ZNF407: variants seen among roughly 807,000 people sequenced by gnomAD.
ZNF407 encodes the protein zinc finger protein 407.
Under a neutral mutation model 131.2 loss-of-function variants are expected in ZNF407, and 17 were observed. The ratio of observed to expected loss-of-function variants is 0.13; its 90% CI spans 0.09 to 0.19. ZNF407 has a LOEUF of 0.19. ZNF407 is among the 10% of genes least tolerant of loss of function. ZNF407 has a pLI of 1.00. For synonymous variants in ZNF407, 1,156 were observed against 1,062.0 expected, an observed-to-expected ratio of 1.09 and a Z score of -1.72; for missense variants, 2,681 against 2,830.6, an observed-to-expected ratio of 0.95 and a Z score of 1.20.
chr18:74,654,972 T>A (rs1384122136), intron 3 of ZNF407, among the ~76,000 whole-genome samples: 1 of 151,970 alleles, frequency 6.6e-6, no homozygotes, highest in African/African-American at 2.4e-5. Context: ...ATGTTATTTT[T>A]TAAAGAACGT....
intron 4 of ZNF407, among the ~76,000 whole-genome samples, chr18:74,806,282 C>A (rs1053424687): frequency 6.6e-6 from 1 of 152,192 alleles, no homozygotes; most frequent in African/African-American, 2.4e-5. Context: ...TTTATCTTAT[C>A]TCAGAAAGTC....
intron 8 of ZNF407, among the ~76,000 whole-genome samples, chr18:75,018,484 G>A (rs1973070785): frequency 6.6e-6 from 1 of 151,678 alleles, no homozygotes; most frequent in Non-Finnish European, 1.5e-5. Context: ...AAAAAGAAGG[G>A]AGTAAAAGTA....
chr18:74,791,170 A>G (rs1969818929), intron 4 of ZNF407, among the ~76,000 whole-genome samples: 1 of 152,146 alleles, frequency 6.6e-6, no homozygotes, highest in Non-Finnish European at 1.5e-5. Context: ...TCTGACTGTC[A>G]TTTCCGTTAG....
chr18:74,757,845 T>G (rs1968999432), intron 3 of ZNF407, among the ~76,000 whole-genome samples: 1 of 152,184 alleles, frequency 6.6e-6, no homozygotes. Context: ...TGTTCATTCT[T>G]TATAGAGTAC....
intron 3 of ZNF407, among the ~76,000 whole-genome samples, chr18:74,719,422 C>T (rs777329397): frequency 6.6e-5 from 10 of 152,062 alleles, no homozygotes; most frequent in East Asian, 3.9e-4. Context: ...TATTTAGAGA[C>T]GGAGTCTTGC....
At chr18:74,640,424 A>C (rs1266177416) in intron 2 of ZNF407, among the ~76,000 whole-genome samples, 1 of 152,174 alleles carries the variant, frequency 6.6e-6, no homozygotes, top group African/African-American at 2.4e-5. Context: ...TGACCATAAA[A>C]GCATAAAAAT....
At chr18:74,834,348 G>A (rs1970526610) in intron 4 of ZNF407, among the ~76,000 whole-genome samples, 1 of 152,148 alleles carries the variant, frequency 6.6e-6, no homozygotes, top group African/African-American at 2.4e-5. Context: ...GCTACTTTAT[G>A]TCTAGAAAAA....
At chr18:75,056,833 C>A (rs1973567600) in intron 8 of ZNF407, among the ~76,000 whole-genome samples, 1 of 152,158 alleles carries the variant, frequency 6.6e-6, no homozygotes, top group African/African-American at 2.4e-5. Flanking sequence ...TTTAATTTGT[C>A]ATTTTTCCTG....
chr18:75,052,351 G>A (rs1973511281), intron 8 of ZNF407, among the ~76,000 whole-genome samples: 1 of 152,072 alleles, frequency 6.6e-6, no homozygotes, highest in Non-Finnish European at 1.5e-5. Flanking sequence ...TGCCCCTTCA[G>A]AATATTACGA....
intron 8 of ZNF407, among the ~76,000 whole-genome samples, chr18:74,993,213 A>G (rs1972739316): frequency 6.6e-6 from 1 of 152,252 alleles, no homozygotes; most frequent in Admixed American, 6.5e-5. Context: ...ATAGTTCTAT[A>G]TGTTTATAAT....
At chr18:75,014,153 T>C (rs1973016248) in intron 8 of ZNF407, among the ~76,000 whole-genome samples, 1 of 152,124 alleles carries the variant, frequency 6.6e-6, no homozygotes, top group Non-Finnish European at 1.5e-5. Flanking sequence ...ACCCACTGTT[T>C]ATCTACTCAA....
chr18:74,797,474 G>A (rs1969941600), intron 4 of ZNF407, among the ~76,000 whole-genome samples: 1 of 152,242 alleles, frequency 6.6e-6, no homozygotes, highest in African/African-American at 2.4e-5. Context: ...GCTGTCGACA[G>A]AGAGAATGAA....
At chr18:74,782,966 A>C (rs1299433245) in intron 4 of ZNF407, among the ~76,000 whole-genome samples, 4 of 152,194 alleles carry the variant, frequency 2.6e-5, no homozygotes, top group African/African-American at 9.7e-5. Context: ...CATGCATTGA[A>C]TGTGTCAGGG....
intron 2 of ZNF407, 78 bp from the exon 3 acceptor site, chr18:74,640,930 A>T: frequency 9.2e-7 from 1 of 1,083,744 alleles, no homozygotes; most frequent in Non-Finnish European, 1.4e-6. Context: ...GGTATGATTT[A>T]AGATTTAGTC....
At chr18:74,819,371 A>G (rs1470941124) in intron 4 of ZNF407, among the ~76,000 whole-genome samples, 1 of 152,172 alleles carries the variant, frequency 6.6e-6, no homozygotes, top group Non-Finnish European at 1.5e-5. Flanking sequence ...TTAAATACAG[A>G]ATGTATAATA....
At chr18:75,023,552 T>C (rs1284523056) in intron 8 of ZNF407, among the ~76,000 whole-genome samples, 1 of 152,194 alleles carries the variant, frequency 6.6e-6, no homozygotes, top group East Asian at 1.9e-4. Flanking sequence ...GCCAAATTCT[T>C]GGGGGCTAAC....
At chr18:74,974,590 T>C (rs1482435712) in intron 8 of ZNF407, among the ~76,000 whole-genome samples, 1 of 152,234 alleles carries the variant, frequency 6.6e-6, no homozygotes, top group African/African-American at 2.4e-5. Flanking sequence ...TGCCTTTCAG[T>C]AGCATTCACT....
intron 3 of ZNF407, among the ~76,000 whole-genome samples, chr18:74,701,720 A>C (rs1166135100): frequency 1.3e-5 from 2 of 152,014 alleles, no homozygotes; most frequent in Non-Finnish European, 2.9e-5. Flanking sequence ...TGCCTCTTAA[A>C]ATATTTTTTT....
intron 3 of ZNF407, among the ~76,000 whole-genome samples, chr18:74,644,264 AGG>A (rs1459065206): frequency 6.7e-6 from 1 of 149,390 alleles, no homozygotes; most frequent in Non-Finnish European, 1.5e-5. Flanking sequence ...TATAGAATAT[AGG>A]TGTGTTTATA....
Sources: gnomAD v4.1 joint callset for allele counts (sites outside exome capture counted in the v4.1 genomes callset) on GRCh38, gnomAD v4.1.1 for gene constraint, MANE v1.5 for transcripts, NCBI Gene and HGNC (gene_info 2026-07-23, HGNC 2026-07-21) for gene names.